The following FDFT1 variants were observed in gnomAD, a reference collection of about 807,000 sequenced individuals.
FDFT1 encodes the protein farnesyl-diphosphate farnesyltransferase 1, also known as squalene synthase.
FDFT1 carries 68 observed loss-of-function variants against 46.8 expected under a neutral mutation model. That is an observed-to-expected ratio of 1.45 (90% CI 1.19 to 1.78). The LOEUF (loss-of-function observed/expected upper bound fraction) is 1.78, where lower values mean the gene tolerates loss of function less well. Ranked by LOEUF, FDFT1 falls within the 40% of genes most tolerant of loss-of-function variation. FDFT1 has a pLI of 0.00. For synonymous variants in FDFT1, 351 were observed against 185.1 expected, an observed-to-expected ratio of 1.90 and a Z score of -7.28; for missense variants, 928 against 524.4, an observed-to-expected ratio of 1.77 and a Z score of -7.52.
At chr8:11,801,311 A>G (rs757536459), upstream of FDFT1, among the ~76,000 whole-genome samples, 18 of 152,140 alleles carry the variant, frequency 1.2e-4, no homozygotes, top group Non-Finnish European at 2.6e-4. Flanking sequence ...CAGTGAACGT[A>G]CCTGACAGGT....
chr8:11,802,109 C>A (rs965212090), upstream of FDFT1: 2 of 454,716 alleles, frequency 4.4e-6, no homozygotes, highest in African/African-American at 2.0e-5. Flanking sequence ...CTCAAGTAAA[C>A]ACTAGAGAGG....
At chr8:11,808,389 G>T (rs1304424667) in intron 1 of FDFT1, 2 of 1,235,658 alleles carry the variant, frequency 1.6e-6, no homozygotes, top group South Asian at 7.9e-5. Context: ...CGGGGCTGCG[G>T]GGCGGGCCCG....
intron 2 of FDFT1, chr8:11,809,175 G>T (rs901294767): frequency 8.2e-5 from 104 of 1,262,288 alleles, no homozygotes; most frequent in Non-Finnish European, 9.3e-5. Context: ...TGAGCAGGTC[G>T]TGTATTTCTC....
chr8:11,808,721 C>G lies in FDFT1; in HGVS notation c.100-73C>G, dbSNP rs766537198. 3.1e-5 allele frequency: 46 copies of G among 1,464,096 alleles called. 1 individual carries two copies. The highest frequency in any genetic ancestry group is 2.0e-4 in the East Asian group (8 of 39,934). The allele number at this position is 1,464,096 out of a possible 1,614,324, so 90.7% of individuals were successfully genotyped here. A position where few individuals can be genotyped will look rare whatever the true frequency, so the allele number is the denominator to read the frequency against. ...GCCGCCTGCCCCAGTCCCACTCCCACTCCCACTCCCACTCCCACTCCCACT... is the reference window on the plus strand; with the variant it reads ...GCCGCCTGCCCCAGTCCCACTCCCAGTCCCACTCCCACTCCCACTCCCACT... On this transcript the variant is annotated intron_variant, in intron 1 of 7. Coordinates refer to ENST00000220584, the MANE Select transcript of FDFT1 (RefSeq NM_004462.5).
chr8:11,805,942 G>C (rs1806774006), intron 1 of FDFT1, among the ~76,000 whole-genome samples: 1 of 152,182 alleles, frequency 6.6e-6, no homozygotes, highest in African/African-American at 2.4e-5. Context: ...CATTGTGCTT[G>C]GCATGGAGTT....
In FDFT1 at chr8:11,809,863, A is replaced by C. The variant is rs754826172; in HGVS notation, c.381+13A>C. Reference sequence around the variant, plus strand: ...GGACTTCCCAACGGTGAGTGGGGTTACGCATCTTGTCTACGGACTGTTGTG... The same window carrying C: ...GGACTTCCCAACGGTGAGTGGGGTTCCGCATCTTGTCTACGGACTGTTGTG... On this transcript the variant is annotated intron_variant, in intron 3 of 7. Transcript: ENST00000220584. 1 of 1,603,242 alleles carries C rather than the reference A, an allele frequency of 6.2e-7. No individual in the cohort carries two copies. The highest frequency in any genetic ancestry group is 1.1e-5 in the South Asian group (1 of 90,306).
intron 3 of FDFT1, among the ~76,000 whole-genome samples, chr8:11,821,450 G>A (rs1809229325): frequency 6.6e-6 from 1 of 152,188 alleles, no homozygotes; most frequent in Non-Finnish European, 1.5e-5. Context: ...AATTAGCTGG[G>A]CGTGGTGGTG....
chr8:11,802,706 C>G (rs1181579439), upstream of FDFT1: 3 of 713,232 alleles, frequency 4.2e-6, no homozygotes, highest in Non-Finnish European at 4.7e-6. Flanking sequence ...GGGGCGTCGC[C>G]GTACTAGGCC....
At chr8:11,807,706 G>C (rs1222530264) in intron 1 of FDFT1, among the ~76,000 whole-genome samples, 2 of 152,206 alleles carry the variant, frequency 1.3e-5, no homozygotes, top group African/African-American at 4.8e-5. Flanking sequence ...CTTTAGGGAA[G>C]AGTAAAGGTC....
At chr8:11,827,165 G>C (rs1160440784) in intron 5 of FDFT1, among the ~76,000 whole-genome samples, 1 of 152,062 alleles carries the variant, frequency 6.6e-6, no homozygotes, top group Non-Finnish European at 1.5e-5. Flanking sequence ...CTGCAGCCAA[G>C]TACTTTAAAG....
intron 2 of FDFT1, chr8:11,809,170 A>C: frequency 7.8e-7 from 1 of 1,276,970 alleles, no homozygotes; most frequent in African/African-American, 1.5e-5. Flanking sequence ...GCCTGTGAGC[A>C]GGTCGTGTAT....
chr8:11,825,975 T>C (rs1809915374), intron 4 of FDFT1, 49 bp from the exon 5 acceptor site: 2 of 1,371,660 alleles, frequency 1.5e-6, no homozygotes, highest in Admixed American at 4.2e-5. Context: ...GTGTGTCCAT[T>C]TCAGTAAAAA....
chr8:11,802,554 C>T (rs1806253588), upstream of FDFT1: 5 of 592,318 alleles, frequency 8.4e-6, no homozygotes, highest in South Asian at 1.5e-5. Flanking sequence ...TGTTATCACG[C>T]CAGTCTCCTT....
intron 7 of FDFT1, 21 bp downstream of exon 7, chr8:11,831,691 T>G: frequency 6.3e-7 from 1 of 1,591,036 alleles, no homozygotes; most frequent in Non-Finnish European, 8.6e-7. Flanking sequence ...ATTTAACTAC[T>G]TGGATAATTT....
intron 1 of FDFT1, among the ~76,000 whole-genome samples, chr8:11,796,665 G>T (rs374114629): frequency 6.6e-6 from 1 of 152,216 alleles, no homozygotes; most frequent in African/African-American, 2.4e-5. Context: ...GGTGTCTTCA[G>T]TGATTGGTTT....
intron 1 of FDFT1, chr8:11,803,528 T>A (rs760679444): frequency 3.8e-5 from 46 of 1,194,922 alleles, no homozygotes; most frequent in Admixed American, 6.9e-5. Context: ...GGTCAGAACT[T>A]GGTTTTACTT....
chr8:11,808,741 CCCA>C, intron 1 of FDFT1, 50 bp from the exon 2 acceptor site: 2 of 1,591,816 alleles, frequency 1.3e-6, no homozygotes, highest in Non-Finnish European at 1.7e-6. Flanking sequence ...CACTCCCACT[CCCA>C]CTCCTGCTCC....
chr8:11,822,449 A>G (rs975993799), intron 4 of FDFT1, among the ~76,000 whole-genome samples: 15 of 152,208 alleles, frequency 9.9e-5, no homozygotes, highest in African/African-American at 3.6e-4. Context: ...GACAGCAGTT[A>G]TCTTTGGAAC....
chr8:11,811,994 G>A (rs930111842), intron 3 of FDFT1, among the ~76,000 whole-genome samples: 2 of 152,188 alleles, frequency 1.3e-5, no homozygotes, highest in Admixed American at 6.5e-5. Context: ...CTGGGGCTAG[G>A]CCTGCAATCA....
Sources: allele counts gnomAD v4.1 joint callset (sites outside exome capture counted in the v4.1 genomes callset), GRCh38; gene constraint gnomAD v4.1.1; transcripts MANE v1.5; gene names NCBI Gene and HGNC (gene_info 2026-07-23, HGNC 2026-07-21).